C10orf143: variants seen among roughly 807,000 people sequenced by gnomAD.
C10orf143 encodes chromosome 10 open reading frame 143.
intron 3 of C10orf143, among the ~76,000 whole-genome samples, chr10:130,038,751 A>G (rs566394484): frequency 2.0e-5 from 3 of 152,146 alleles, no homozygotes; most frequent in East Asian, 3.9e-4. Context: ...TGCCCTCCCA[A>G]TTATCATCTG....
At chr10:130,036,529 G>T (rs1170208210) in intron 3 of C10orf143, among the ~76,000 whole-genome samples, 6 of 152,162 alleles carry the variant, frequency 3.9e-5, no homozygotes, top group Non-Finnish European at 8.8e-5. Flanking sequence ...GAACACCCTG[G>T]GCTGGGCCAT....
intron 3 of C10orf143, among the ~76,000 whole-genome samples, chr10:130,043,381 C>T (rs1485985531): frequency 1.3e-5 from 2 of 152,190 alleles, no homozygotes; most frequent in East Asian, 3.9e-4. Context: ...TAACAGTCCT[C>T]CTAAATATCA....
intron 1 of C10orf143, among the ~76,000 whole-genome samples, chr10:130,103,870 G>GAA (rs11384035): frequency 9.8e-4 from 147 of 150,150 alleles, no homozygotes; most frequent in African/African-American, 2.9e-3. Context: ...TATGACACCA[G>GAA]AAAAAAAAAA....
At chr10:130,101,170 G>C (rs548845538) in intron 1 of C10orf143, 2 of 151,404 alleles carry the variant, frequency 1.3e-5, no homozygotes, top group South Asian at 2.1e-4. Context: ...AGTGAGCCAA[G>C]ATCGTGCGAC....
intron 1 of C10orf143, among the ~76,000 whole-genome samples, chr10:130,110,277 C>T (rs1204025750): frequency 3.3e-5 from 5 of 152,216 alleles, no homozygotes; most frequent in African/African-American, 4.8e-5. Flanking sequence ...GTACTCGTCC[C>T]CCAACACCCA....
chr10:130,110,570 T>A (rs1375928763), intron 1 of C10orf143, 134 bp downstream of exon 1: 1 of 397,040 alleles, frequency 2.5e-6, no homozygotes, highest in African/African-American at 2.1e-5. Flanking sequence ...CCCAGGGACG[T>A]ACGCGAGCGT....
chr10:130,085,742 T>C (rs1861281135), intron 1 of C10orf143, among the ~76,000 whole-genome samples: 1 of 151,952 alleles, frequency 6.6e-6, no homozygotes, highest in Non-Finnish European at 1.5e-5. Flanking sequence ...TTGCAACCTT[T>C]CTGTATGTCT....
intron 1 of C10orf143, among the ~76,000 whole-genome samples, chr10:130,094,013 A>G (rs938805458): frequency 1.4e-3 from 131 of 93,090 alleles, no homozygotes; most frequent in African/African-American, 6.7e-3. Context: ...CCATCTCACC[A>G]TTAAAAAAAA....
At chr10:130,094,227 G>A (rs1861429161) in intron 1 of C10orf143, among the ~76,000 whole-genome samples, 1 of 151,998 alleles carries the variant, frequency 6.6e-6, no homozygotes, top group Non-Finnish European at 1.5e-5. Flanking sequence ...AATTAAGGCA[G>A]TAATTAATAG....
chr10:130,073,996 G>A (rs1861073711), intron 3 of C10orf143, among the ~76,000 whole-genome samples: 1 of 152,090 alleles, frequency 6.6e-6, no homozygotes, highest in Admixed American at 6.5e-5. Context: ...AATCAGCCCT[G>A]TGTCTTAGCC....
chr10:130,047,277 A>G (rs563341728), intron 3 of C10orf143, among the ~76,000 whole-genome samples: 3 of 152,332 alleles, frequency 2.0e-5, no homozygotes, highest in Admixed American at 6.5e-5. Context: ...TCCATGGAGT[A>G]AAGTGCTACA....
At chr10:130,070,974 G>A (rs1477268696) in intron 3 of C10orf143, among the ~76,000 whole-genome samples, 1 of 151,980 alleles carries the variant, frequency 6.6e-6, no homozygotes, top group African/African-American at 2.4e-5. Flanking sequence ...GGAGTGCAGT[G>A]GTGGGATCTT....
At chr10:130,059,573 G>A (rs1194124229), downstream of C10orf143, among the ~76,000 whole-genome samples, 1 of 152,164 alleles carries the variant, frequency 6.6e-6, no homozygotes, top group Non-Finnish European at 1.5e-5. Flanking sequence ...TCAATCAAAA[G>A]AGAAGACTTG....
chr10:130,082,108 T>C (rs1861219050), intron 1 of C10orf143, among the ~76,000 whole-genome samples: 1 of 151,582 alleles, frequency 6.6e-6, no homozygotes, highest in Non-Finnish European at 1.5e-5. Flanking sequence ...CAGATATAAA[T>C]CAAAATATAT....
intron 1 of C10orf143, among the ~76,000 whole-genome samples, chr10:130,088,112 G>T (rs1235616253): frequency 3.3e-5 from 5 of 152,252 alleles, no homozygotes; most frequent in Admixed American, 3.3e-4. Context: ...GCCAGGTGCA[G>T]TGGCTCACTC....
intron 3 of C10orf143, chr10:130,067,790 C>T (rs1806812905): frequency 6.6e-6 from 1 of 152,332 alleles, no homozygotes; most frequent in Non-Finnish European, 1.5e-5. Context: ...ACCCTTGCCT[C>T]ATCTTCCTCC....
At chr10:130,110,542 C>T (rs1461948046) in intron 1 of C10orf143, among the ~76,000 whole-genome samples, 162 bp downstream of exon 1, 1 of 140,980 alleles carries the variant, frequency 7.1e-6, no homozygotes, top group Non-Finnish European at 1.5e-5. Flanking sequence ...AGGCCACGCC[C>T]ATCACTGGCC....
At chr10:130,110,486 G>A (rs1407801191) in intron 1 of C10orf143, among the ~76,000 whole-genome samples, 2 of 152,248 alleles carry the variant, frequency 1.3e-5, no homozygotes, top group African/African-American at 4.8e-5. Flanking sequence ...GCGCCCGACC[G>A]CGCAGGCGCG....
chr10:130,088,739 T>C (rs911962250), intron 1 of C10orf143, among the ~76,000 whole-genome samples: 7 of 152,188 alleles, frequency 4.6e-5, no homozygotes, highest in African/African-American at 1.7e-4. Flanking sequence ...TGGAACAAGA[T>C]TGAGAAGGCG....
Sources: gnomAD v4.1 joint callset for allele counts (sites outside exome capture counted in the v4.1 genomes callset) on GRCh38, gnomAD v4.1.1 for gene constraint, MANE v1.5 for transcripts, NCBI Gene and HGNC (gene_info 2026-07-23, HGNC 2026-07-21) for gene names.